ELAVL2: variants seen among roughly 807,000 people sequenced by gnomAD.
ELAVL2 encodes the protein ELAV-like protein 2.
In ELAVL2, 4 loss-of-function variants were observed where a neutral mutation model predicts 34.6. The ratio of observed to expected loss-of-function variants is 0.12; its 90% CI spans 0.06 to 0.26. The LOEUF (loss-of-function observed/expected upper bound fraction) is 0.26. ELAVL2 is among the 10% of genes least tolerant of loss of function. ELAVL2 has a pLI of 1.00. For missense variants in ELAVL2, 432 were observed against 442.8 expected (o/e 0.98, Z 0.22); for synonymous variants, 193 against 154.8 (o/e 1.25, Z -1.83).
chr9:23,706,194 T>A (rs753470927), intron 3 of ELAVL2, among the ~76,000 whole-genome samples: 7 of 152,170 alleles, frequency 4.6e-5, no homozygotes, highest in Non-Finnish European at 1.0e-4. Context: ...TTCATGTCTT[T>A]GAGATACGGT....
chr9:23,799,483 C>T (rs773493131), intron 1 of ELAVL2, among the ~76,000 whole-genome samples: 5 of 152,330 alleles, frequency 3.3e-5, no homozygotes, highest in African/African-American at 7.2e-5. Flanking sequence ...CACCCCACCA[C>T]GTGAGTGGGG....
intron 5 of ELAVL2, among the ~76,000 whole-genome samples, chr9:23,696,368 G>T (rs528554492): frequency 7.9e-5 from 12 of 152,198 alleles, no homozygotes; most frequent in African/African-American, 2.7e-4. Flanking sequence ...ACAGGCAGTT[G>T]TAAGAGAAAA....
At chr9:23,830,192 C>G (rs1307298834), upstream of ELAVL2, 1 of 152,302 alleles carries the variant, frequency 6.6e-6, no homozygotes, top group African/African-American at 2.4e-5. Context: ...AAAATGCCTG[C>G]CTGCTCACCC....
chr9:23,791,361 T>G (rs763809531), intron 1 of ELAVL2, among the ~76,000 whole-genome samples: 3 of 152,208 alleles, frequency 2.0e-5, no homozygotes, highest in Non-Finnish European at 4.4e-5. Flanking sequence ...TTTCTGTTCA[T>G]GCCTCGAGAA....
chr9:23,707,337 T>G (rs1322427191), intron 3 of ELAVL2, among the ~76,000 whole-genome samples: 2 of 152,204 alleles, frequency 1.3e-5, no homozygotes, highest in Admixed American at 1.3e-4. Flanking sequence ...CCAGAAAAGG[T>G]GAAACCTCAC....
the ELAVL2 span, among the ~76,000 whole-genome samples, chr9:23,840,554 T>G: frequency 2.6e-5 from 4 of 152,160 alleles, no homozygotes; most frequent in Non-Finnish European, 4.4e-5. Context: ...TTGGACTAAT[T>G]GCCAATTTTA....
At chr9:23,754,861 T>C (rs2053154959) in intron 2 of ELAVL2, among the ~76,000 whole-genome samples, 1 of 152,126 alleles carries the variant, frequency 6.6e-6, no homozygotes, top group Non-Finnish European at 1.5e-5. Context: ...AGAGTATAAA[T>C]TTCCCATGGG....
chr9:23,802,148 G>A (rs747992892), intron 1 of ELAVL2, among the ~76,000 whole-genome samples: 1 of 152,108 alleles, frequency 6.6e-6, no homozygotes, highest in Non-Finnish European at 1.5e-5. Context: ...ACCAATACAG[G>A]AAGAAGAAAA....
chr9:23,725,606 G>GA (rs1369083404), intron 3 of ELAVL2, among the ~76,000 whole-genome samples: 1 of 151,982 alleles, frequency 6.6e-6, no homozygotes, highest in Non-Finnish European at 1.5e-5. Context: ...TTTTATAAAA[G>GA]AACAAATTAT....
upstream of ELAVL2, among the ~76,000 whole-genome samples, chr9:23,827,032 A>G (rs1468724573): frequency 6.6e-6 from 1 of 152,212 alleles, no homozygotes; most frequent in Non-Finnish European, 1.5e-5. Flanking sequence ...TAGAATAGAA[A>G]AGTGTAGGAT....
chr9:23,720,972 A>G (rs1361098655), intron 3 of ELAVL2, among the ~76,000 whole-genome samples: 4 of 152,200 alleles, frequency 2.6e-5, no homozygotes, highest in African/African-American at 9.7e-5. Context: ...GATAAACATT[A>G]AAGTGTTGGC....
chr9:23,811,718 T>C (rs902368471), intron 1 of ELAVL2, among the ~76,000 whole-genome samples: 2 of 152,186 alleles, frequency 1.3e-5, no homozygotes, highest in Non-Finnish European at 2.9e-5. Context: ...CAGCTTCATG[T>C]AGTTTGAAAC....
At chr9:23,793,706 C>T (rs1261656728) in intron 1 of ELAVL2, among the ~76,000 whole-genome samples, 3 of 152,142 alleles carry the variant, frequency 2.0e-5, no homozygotes, top group Non-Finnish European at 2.9e-5. Flanking sequence ...CAGTAATATA[C>T]TAAGATTTCC....
intron 1 of ELAVL2, among the ~76,000 whole-genome samples, chr9:23,781,487 A>G (rs1041132596): frequency 4.6e-5 from 7 of 151,618 alleles, no homozygotes; most frequent in African/African-American, 1.2e-4. Flanking sequence ...GCAGAATAGC[A>G]TATTTAAGAA....
At chr9:23,790,388 A>T (rs1699457) in intron 1 of ELAVL2, among the ~76,000 whole-genome samples, 8,331 of 152,282 alleles carry the variant, frequency 0.055, 736 homozygotes, top group African/African-American at 0.19. Flanking sequence ...GTGACTGCAC[A>T]GGTAAAGCCA....
At chr9:23,726,268 A>C (rs1380417612) in intron 3 of ELAVL2, among the ~76,000 whole-genome samples, 1 of 152,168 alleles carries the variant, frequency 6.6e-6, no homozygotes, top group Non-Finnish European at 1.5e-5. Context: ...TTTTTATAAT[A>C]GAATTTTCCA....
At chr9:23,776,504 AG>A in intron 1 of ELAVL2, among the ~76,000 whole-genome samples, 1 of 152,144 alleles carries the variant, frequency 6.6e-6, no homozygotes, top group Admixed American at 6.5e-5. Flanking sequence ...AAACTCCCCA[AG>A]GCTAGAAAAG....
chr9:23,849,625 A>G, the ELAVL2 span: 1 of 152,148 alleles, frequency 6.6e-6, no homozygotes, highest in Non-Finnish European at 1.5e-5. Flanking sequence ...CCTTCCCTGC[A>G]CCTCTCCCCT....
chr9:23,733,934 T>A (rs905415331), intron 2 of ELAVL2, among the ~76,000 whole-genome samples: 36 of 152,120 alleles, frequency 2.4e-4, no homozygotes, highest in Non-Finnish European at 4.6e-4. Flanking sequence ...ATATCTAGTA[T>A]CTGTTAAGTT....
Sources: allele counts gnomAD v4.1 joint callset (sites outside exome capture counted in the v4.1 genomes callset), GRCh38; gene constraint gnomAD v4.1.1; transcripts MANE v1.5; gene names NCBI Gene and HGNC (gene_info 2026-07-23, HGNC 2026-07-21).